The following NELL1 variants were observed in gnomAD, a reference collection of about 807,000 sequenced individuals.
The protein encoded by NELL1 is protein kinase C-binding protein NELL1.
Under a neutral mutation model 107.4 loss-of-function variants are expected in NELL1, and 76 were observed. The ratio of observed to expected loss-of-function variants is 0.71; its 90% CI spans 0.59 to 0.86. The LOEUF (loss-of-function observed/expected upper bound fraction) is 0.86. Among genes scored for constraint, NELL1 ranks in the 40% least tolerant of loss-of-function variants. The pLI is 0.00. For missense variants in NELL1, 1,024 were observed against 1,005.5 expected (o/e 1.02, Z -0.25); for synonymous variants, 353 against 341.2 (o/e 1.03, Z -0.38).
chr11:21,170,106 C>A (rs1856571555), intron 13 of NELL1: 1 of 805,786 alleles, frequency 1.2e-6, no homozygotes, highest in East Asian at 2.5e-5. Context: ...GATGTGGAGG[C>A]AAAACCACCC....
intron 14 of NELL1, among the ~76,000 whole-genome samples, chr11:21,310,525 T>G (rs911378217): frequency 6.6e-6 from 1 of 151,940 alleles, no homozygotes; most frequent in Non-Finnish European, 1.5e-5. Flanking sequence ...GTACATACTG[T>G]GAAGTAATAT....
chr11:21,040,776 A>C (rs181442491), intron 12 of NELL1, among the ~76,000 whole-genome samples: 1 of 152,294 alleles, frequency 6.6e-6, no homozygotes, highest in East Asian at 1.9e-4. Flanking sequence ...GGATTGTTAG[A>C]AAAAAATAAC....
intron 15 of NELL1, among the ~76,000 whole-genome samples, chr11:21,488,744 A>G (rs1854712281): frequency 6.6e-6 from 1 of 152,204 alleles, no homozygotes; most frequent in Non-Finnish European, 1.5e-5. Flanking sequence ...AAACGTGACA[A>G]TGGGAAAATA....
intron 3 of NELL1, among the ~76,000 whole-genome samples, chr11:20,845,168 A>G (rs1016908978): frequency 6.6e-6 from 1 of 152,210 alleles, no homozygotes; most frequent in Admixed American, 6.5e-5. Flanking sequence ...CACTTTTTGA[A>G]TATGTGCAGG....
intron 14 of NELL1, among the ~76,000 whole-genome samples, chr11:21,282,327 A>G (rs1437095655): frequency 3.9e-5 from 6 of 152,128 alleles, no homozygotes; most frequent in Admixed American, 2.0e-4. Flanking sequence ...AATGACTTAT[A>G]TACCACCACA....
intron 16 of NELL1, among the ~76,000 whole-genome samples, chr11:21,540,603 G>C (rs1176916907): frequency 1.3e-5 from 2 of 152,070 alleles, no homozygotes; most frequent in Non-Finnish European, 2.9e-5. Flanking sequence ...AATCATGGGG[G>C]AAGGTAAAGG....
At chr11:21,487,640 G>A (rs371518947) in intron 15 of NELL1, among the ~76,000 whole-genome samples, 2 of 124,174 alleles carry the variant, frequency 1.6e-5, no homozygotes, top group African/African-American at 3.0e-5. Context: ...CATACAACCA[G>A]AAAACAATGA....
At chr11:20,995,490 A>G (rs1852070254) in intron 12 of NELL1, among the ~76,000 whole-genome samples, 1 of 152,110 alleles carries the variant, frequency 6.6e-6, no homozygotes, top group Admixed American at 6.5e-5. Context: ...AGGCAGGAGA[A>G]TTGCTTGACC....
chr11:21,303,512 C>T (rs111326304), intron 14 of NELL1, among the ~76,000 whole-genome samples: 2,881 of 151,924 alleles, frequency 0.019, 104 homozygotes, highest in African/African-American at 0.066. Flanking sequence ...GTATGATTCC[C>T]TCTCCATGAG....
chr11:20,889,427 T>C (rs1849572727), intron 5 of NELL1, among the ~76,000 whole-genome samples: 1 of 152,090 alleles, frequency 6.6e-6, no homozygotes, highest in Non-Finnish European at 1.5e-5. Flanking sequence ...CATAAAGACA[T>C]TAGTAGAGAA....
intron 12 of NELL1, among the ~76,000 whole-genome samples, chr11:20,992,464 T>A (rs546974213): frequency 4.6e-5 from 7 of 152,270 alleles, no homozygotes; most frequent in African/African-American, 1.7e-4. Context: ...AACCTGCTCG[T>A]TTTGTAGATT....
chr11:21,124,959 G>T (rs1185982788), intron 13 of NELL1, among the ~76,000 whole-genome samples: 2 of 152,014 alleles, frequency 1.3e-5, no homozygotes, highest in African/African-American at 2.4e-5. Context: ...TCTTCCTGGG[G>T]TCTCCTTTAT....
chr11:21,345,157 T>A (rs572208031), intron 14 of NELL1, among the ~76,000 whole-genome samples: 5 of 152,190 alleles, frequency 3.3e-5, no homozygotes, highest in Non-Finnish European at 5.9e-5. Flanking sequence ...AAAATTCCAA[T>A]TAGTCACTTT....
chr11:21,455,703 T>C (rs1853710539), intron 15 of NELL1, among the ~76,000 whole-genome samples: 1 of 152,116 alleles, frequency 6.6e-6, no homozygotes, highest in Non-Finnish European at 1.5e-5. Context: ...TGTTAGGGTT[T>C]TCTTTATGGT....
intron 2 of NELL1, among the ~76,000 whole-genome samples, chr11:20,739,451 G>C (rs1017184251): frequency 2.0e-5 from 3 of 152,174 alleles, no homozygotes; most frequent in African/African-American, 7.2e-5. Flanking sequence ...GCTGTGCTTT[G>C]TTGCTCTTTA....
intron 12 of NELL1, among the ~76,000 whole-genome samples, chr11:21,041,424 G>A (rs58910000): frequency 0.036 from 5,496 of 152,256 alleles, 197 homozygotes; most frequent in East Asian, 0.19. Context: ...AAAAGTCAGA[G>A]AGTCACGTGA....
intron 14 of NELL1, among the ~76,000 whole-genome samples, chr11:21,370,458 G>A (rs1336322394): frequency 3.3e-5 from 5 of 152,020 alleles, no homozygotes; most frequent in Admixed American, 3.3e-4. Flanking sequence ...CATAAGAGAT[G>A]TATAGTGGAA....
chr11:20,880,224 T>A (rs1849382945), intron 4 of NELL1, among the ~76,000 whole-genome samples: 1 of 152,228 alleles, frequency 6.6e-6, no homozygotes, highest in Non-Finnish European at 1.5e-5. Flanking sequence ...AAAGCATAAG[T>A]AAGCATCTAA....
At chr11:20,813,317 T>A (rs1857544903) in intron 3 of NELL1, among the ~76,000 whole-genome samples, 1 of 152,228 alleles carries the variant, frequency 6.6e-6, no homozygotes, top group African/African-American at 2.4e-5. Flanking sequence ...CATGGAATCC[T>A]TGGGATGTGT....
Sources: gnomAD v4.1 joint callset for allele counts (sites outside exome capture counted in the v4.1 genomes callset) on GRCh38, gnomAD v4.1.1 for gene constraint, MANE v1.5 for transcripts, NCBI Gene and HGNC (gene_info 2026-07-23, HGNC 2026-07-21) for gene names.